Variants in CELF2 observed in about 807,000 individuals in gnomAD.
The protein encoded by CELF2 is CUG triplet repeat RNA-binding protein 2.
CELF2 carries 8 observed loss-of-function variants against 62.6 expected under a neutral mutation model. That is an observed-to-expected ratio of 0.13 (90% CI 0.07 to 0.23). The LOEUF (loss-of-function observed/expected upper bound fraction) is 0.23. Ranked by LOEUF, CELF2 falls within the 10% of genes least tolerant of loss-of-function variation. The pLI is 1.00. For missense variants in CELF2, 333 were observed against 671.0 expected (o/e 0.50, Z 5.56); for synonymous variants, 258 against 250.0 (o/e 1.03, Z -0.30).
intron 1 of CELF2, among the ~76,000 whole-genome samples, chr10:11,087,748 A>C (rs1019963430): frequency 6.6e-6 from 1 of 152,218 alleles, no homozygotes; most frequent in African/African-American, 2.4e-5. Context: ...GTTGCTGGAT[A>C]GTGCTAGCAA....
chr10:11,286,383 G>A (rs984122844), intron 8 of CELF2, among the ~76,000 whole-genome samples: 9 of 152,382 alleles, frequency 5.9e-5, no homozygotes, highest in African/African-American at 1.7e-4. Context: ...TATGTTGGTG[G>A]TGTGGTCTGG....
intron 1 of CELF2, among the ~76,000 whole-genome samples, chr10:11,146,958 G>T (rs150812439): frequency 1.3e-5 from 2 of 152,296 alleles, no homozygotes; most frequent in Non-Finnish European, 2.9e-5. Context: ...AGCTGATTTG[G>T]TCAATCTAGT....
the CELF2 span, among the ~76,000 whole-genome samples, chr10:10,660,306 A>G: frequency 1.3e-5 from 2 of 152,228 alleles, no homozygotes; most frequent in African/African-American, 2.4e-5. Flanking sequence ...TAAAAATAGT[A>G]AAGTGGAGGC....
the CELF2 span, among the ~76,000 whole-genome samples, chr10:10,532,906 G>T: frequency 2.0e-5 from 3 of 147,142 alleles, no homozygotes; most frequent in African/African-American, 5.1e-5. Context: ...AAAAAATAGA[G>T]AGCAACCCCA....
At chr10:11,025,239 G>GTGTATATATATATATATATA (rs61580670) in intron 1 of CELF2, among the ~76,000 whole-genome samples, 4 of 140,998 alleles carry the variant, frequency 2.8e-5, no homozygotes, top group Admixed American at 7.4e-5. Flanking sequence ...GTGTGTGTGT[G>GTGTATATATATATATATATA]TATATGTATG....
At chr10:11,229,979 G>A (rs569489093) in intron 3 of CELF2, among the ~76,000 whole-genome samples, 1 of 152,248 alleles carries the variant, frequency 6.6e-6, no homozygotes, top group South Asian at 2.1e-4. Context: ...GACCCCAAGG[G>A]CTAGGTGGTG....
At chr10:10,580,538 C>T in the CELF2 span, among the ~76,000 whole-genome samples, 5,617 of 152,218 alleles carry the variant, frequency 0.037, 329 homozygotes, top group African/African-American at 0.13. Context: ...CGGCACTAAC[C>T]AACTGTGTGA....
At chr10:11,073,335 C>T (rs534834087) in intron 1 of CELF2, among the ~76,000 whole-genome samples, 1 of 152,262 alleles carries the variant, frequency 6.6e-6, no homozygotes, top group African/African-American at 2.4e-5. Flanking sequence ...TGCAACACCC[C>T]TTACCCTAAT....
At chr10:10,828,931 C>T (rs145004082) in intron 1 of CELF2, among the ~76,000 whole-genome samples, 16 of 152,320 alleles carry the variant, frequency 1.1e-4, no homozygotes, top group African/African-American at 3.8e-4. Context: ...AGTAGCAACA[C>T]TTGCTGCAAA....
At chr10:10,584,013 G>T in the CELF2 span, among the ~76,000 whole-genome samples, 6 of 152,172 alleles carry the variant, frequency 3.9e-5, no homozygotes, top group African/African-American at 1.2e-4. Context: ...CCCCAAGACC[G>T]TAGGGGGCTA....
intron 8 of CELF2, among the ~76,000 whole-genome samples, chr10:11,284,430 G>T (rs1317406036): frequency 1.1e-4 from 17 of 151,324 alleles, no homozygotes; most frequent in African/African-American, 3.4e-4. Context: ...GTAGGTGGAT[G>T]ATGGATGAGT....
In CELF2 at chr10:11,255,886, G is replaced by A. The variant is rs937315329; in HGVS notation, c.404-1852G>A. Among the ~76,000 whole-genome samples the A allele has an allele frequency of 3.3e-5, 5 of 152,088 alleles. No homozygotes were observed. The highest frequency in any genetic ancestry group is 2.1e-4 in the South Asian group (1 of 4,818). Reference sequence around the variant, plus strand: ...CTAGAACCTTGGTCTTCTAATCACCGCCATTGCTCTCCCCTTCAAGCCTTC... The same window carrying A: ...CTAGAACCTTGGTCTTCTAATCACCACCATTGCTCTCCCCTTCAAGCCTTC... On this transcript the variant is annotated intron_variant, in intron 4 of 12. Transcript: ENST00000633077. This position sits in a 1 kb window ranked among gnomAD's most constrained non-coding sequence, Gnocchi z 5.5.
intron 1 of CELF2, among the ~76,000 whole-genome samples, chr10:11,158,099 G>A (rs1407985981): frequency 6.6e-6 from 1 of 152,160 alleles, no homozygotes; most frequent in Admixed American, 6.5e-5. Flanking sequence ...ATTTTACAAG[G>A]ATTCTCTTTG....
chr10:10,597,511 C>A, the CELF2 span, among the ~76,000 whole-genome samples: 3 of 151,512 alleles, frequency 2.0e-5, no homozygotes, highest in African/African-American at 7.3e-5. Flanking sequence ...TAGGCAAGCA[C>A]AAATGTGGCA....
intron 1 of CELF2, among the ~76,000 whole-genome samples, chr10:11,091,593 A>G (rs1394527734): frequency 1.3e-5 from 2 of 152,210 alleles, no homozygotes; most frequent in Non-Finnish European, 2.9e-5. Flanking sequence ...TCAAACGAGC[A>G]TGTTCTCTGC....
intron 1 of CELF2, among the ~76,000 whole-genome samples, chr10:11,155,626 T>C (rs1327364888): frequency 6.6e-6 from 1 of 152,226 alleles, no homozygotes; most frequent in Admixed American, 6.5e-5. Context: ...TGAAGGCATT[T>C]TTGGGAAAAA....
chr10:10,600,918 C>T, the CELF2 span, among the ~76,000 whole-genome samples: 8 of 152,302 alleles, frequency 5.3e-5, no homozygotes, highest in African/African-American at 1.9e-4. Context: ...CAGAGAGGTG[C>T]AGTCATCTGC....
At chr10:11,132,783 C>T (rs936969180) in intron 1 of CELF2, among the ~76,000 whole-genome samples, 1 of 152,212 alleles carries the variant, frequency 6.6e-6, no homozygotes, top group Non-Finnish European at 1.5e-5. Context: ...GAAAGCAAAA[C>T]AGGGCCACCA....
chr10:10,981,950 CTT>C (rs34134637), intron 2 of CELF2, among the ~76,000 whole-genome samples: 12 of 125,340 alleles, frequency 9.6e-5, no homozygotes, highest in African/African-American at 1.9e-4. Context: ...CTTCCTTTTC[CTT>C]TTTTTTTTTT....
Sources: gnomAD v4.1 joint callset for allele counts (sites outside exome capture counted in the v4.1 genomes callset) on GRCh38, gnomAD v4.1.1 for gene constraint, Gnocchi (gnomAD v3.1) non-coding constraint, MANE v1.5 for transcripts, NCBI Gene and HGNC (gene_info 2026-07-23, HGNC 2026-07-21) for gene names.